KIFAP3: variants seen among roughly 807,000 people sequenced by gnomAD.
KIFAP3 encodes the protein kinesin associated protein 3, also known as kinesin-associated protein 3.
In KIFAP3, 68 loss-of-function variants were observed where a neutral mutation model predicts 106.5. That is an observed-to-expected ratio of 0.64 (90% CI 0.53 to 0.78). The LOEUF is 0.78. Among genes scored for constraint, KIFAP3 ranks in the 30% least tolerant of loss-of-function variants. KIFAP3 has a pLI of 0.00. For synonymous variants in KIFAP3, 320 were observed against 311.5 expected, an observed-to-expected ratio of 1.03 and a Z score of -0.29; for missense variants, 780 against 941.8, an observed-to-expected ratio of 0.83 and a Z score of 2.25.
At chr1:170,054,873 C>T (rs1417498967) in intron 2 of KIFAP3, among the ~76,000 whole-genome samples, 1 of 152,034 alleles carries the variant, frequency 6.6e-6, no homozygotes, top group Non-Finnish European at 1.5e-5. Flanking sequence ...GGGCTTAAAA[C>T]CTAAATGAGG....
chr1:170,034,239 A>G (rs1420521895), intron 7 of KIFAP3, 133 bp downstream of exon 7: 1 of 758,144 alleles, frequency 1.3e-6, no homozygotes, highest in African/African-American at 1.9e-5. Context: ...ACCTTCAATA[A>G]CACACTCCTG....
intron 15 of KIFAP3, 118 bp downstream of exon 15, chr1:169,981,854 G>A: frequency 1.3e-6 from 1 of 756,034 alleles, no homozygotes; most frequent in Non-Finnish European, 2.1e-6. Flanking sequence ...TATATAAGTT[G>A]CTATGAAACA....
chr1:170,018,271 G>C (rs1668623113), intron 9 of KIFAP3, among the ~76,000 whole-genome samples: 1 of 152,106 alleles, frequency 6.6e-6, no homozygotes, highest in African/African-American at 2.4e-5. Context: ...TTGCAAGACA[G>C]ATCATATGGC....
chr1:170,073,501 C>T (rs1244256260), intron 1 of KIFAP3, among the ~76,000 whole-genome samples: 1 of 152,184 alleles, frequency 6.6e-6, no homozygotes, highest in Non-Finnish European at 1.5e-5. Context: ...AATAATACCA[C>T]CACCTTACAT....
Position 169,982,811 on chromosome 1 carries a change from C to T in KIFAP3, c.1563G>A (p.Val521=), listed in dbSNP as rs1350515209. The T allele has an allele frequency of 6.2e-7, 1 of 1,607,462 alleles. No individual in the cohort carries two copies. The highest frequency in any genetic ancestry group is 8.5e-7 in the Non-Finnish European group (1 of 1,175,340). The change falls in exon 14 of 20, where the codon GTG becomes GTA. Residue 521 remains valine, a synonymous_variant. Coordinates refer to ENST00000361580, the MANE Select transcript of KIFAP3 (RefSeq NM_014970.4). ...QISNDEEEEF[V]IECLGTLANL... ...TTGCAAGAGTTCCCAAACATTCAATCACAAACTCCTCTTCTTCATCATTAG... is the reference window on the plus strand; with the variant it reads ...TTGCAAGAGTTCCCAAACATTCAATTACAAACTCCTCTTCTTCATCATTAG...
At chr1:169,944,078 C>T (rs556778155) in intron 19 of KIFAP3, among the ~76,000 whole-genome samples, 4 of 152,288 alleles carry the variant, frequency 2.6e-5, no homozygotes, top group East Asian at 3.9e-4. Context: ...GTATTGTTTG[C>T]GCCCGCTGGG....
At chr1:170,069,472 A>T (rs1232322201) in intron 1 of KIFAP3, among the ~76,000 whole-genome samples, 1 of 152,098 alleles carries the variant, frequency 6.6e-6, no homozygotes, top group East Asian at 1.9e-4. Context: ...ACTAGCAAAC[A>T]GAATACAGGA....
At chr1:170,042,165 C>T (rs747564351) in intron 3 of KIFAP3, among the ~76,000 whole-genome samples, 4 of 152,152 alleles carry the variant, frequency 2.6e-5, no homozygotes, top group Non-Finnish European at 4.4e-5. Flanking sequence ...TTGTCTTGGT[C>T]GATACGGGAA....
chr1:169,973,297 AAAAAT>A (rs1666031968), intron 16 of KIFAP3, among the ~76,000 whole-genome samples: 1 of 149,702 alleles, frequency 6.7e-6, no homozygotes, highest in African/African-American at 2.4e-5. Flanking sequence ...ATTTTAAAAT[AAAAAT>A]AAGTGAAAAG....
intron 1 of KIFAP3, among the ~76,000 whole-genome samples, chr1:170,082,840 G>T (rs1257404991): frequency 6.6e-6 from 1 of 152,062 alleles, no homozygotes; most frequent in Non-Finnish European, 1.5e-5. Context: ...AGGTGTGGTG[G>T]GGCATGCATT....
intron 19 of KIFAP3, among the ~76,000 whole-genome samples, chr1:169,925,075 G>A (rs186857254): frequency 6.6e-6 from 1 of 152,252 alleles, no homozygotes; most frequent in East Asian, 1.9e-4. Context: ...ATCCAATCTT[G>A]TAGGGTGCAT....
At position 170,074,680 on chromosome 1, in the gene KIFAP3, C is replaced by A; in HGVS notation, c.-213G>T. The stretch of plus-strand genomic sequence containing the variant: ...CCCAAAACACTGGAGCGGCCCAGAC[C>A]CGCCCAGAGTCGCCTAAGCCGGGCC... On this transcript the variant is annotated 5_prime_UTR_variant, in exon 1 of 20. Transcript: ENST00000361580. 1.4e-6 allele frequency: 2 copies of A among 1,424,686 alleles called. No homozygotes were observed. The highest frequency in any genetic ancestry group is 1.8e-6 in the Non-Finnish European group (2 of 1,089,494). The allele number at this position is 1,424,686 out of a possible 1,614,324, so 88.3% of individuals were successfully genotyped here.
chr1:170,001,098 C>T (rs946948576), intron 10 of KIFAP3, among the ~76,000 whole-genome samples: 2 of 151,938 alleles, frequency 1.3e-5, no homozygotes, highest in Non-Finnish European at 2.9e-5. Flanking sequence ...GTACATTTTG[C>T]CACACAGCTT....
intron 11 of KIFAP3, among the ~76,000 whole-genome samples, chr1:169,985,136 A>G (rs1394274420): frequency 1.3e-5 from 2 of 151,916 alleles, no homozygotes; most frequent in African/African-American, 4.8e-5. Context: ...CAGATCATGC[A>G]GGGTCTTGAA....
chr1:170,051,880 C>T (rs1293749166), intron 2 of KIFAP3, among the ~76,000 whole-genome samples: 3 of 152,086 alleles, frequency 2.0e-5, no homozygotes, highest in Admixed American at 6.5e-5. Flanking sequence ...TAAATGCCCA[C>T]ATCAGAAAGG....
chr1:169,971,560 T>G (rs755500818), intron 17 of KIFAP3, among the ~76,000 whole-genome samples: 2 of 151,996 alleles, frequency 1.3e-5, no homozygotes, highest in Non-Finnish European at 2.9e-5. Context: ...ACAGATGATA[T>G]CAAATTAAGA....
intron 8 of KIFAP3, among the ~76,000 whole-genome samples, chr1:170,028,146 A>G (rs73039130): frequency 0.011 from 1,733 of 152,222 alleles, 29 homozygotes; most frequent in African/African-American, 0.039. Context: ...CCTACAAGAA[A>G]CGTTAAAGTA....
In KIFAP3 at chr1:170,008,100, C is replaced by A. The variant is rs1324881096; in HGVS notation, c.1183+8362G>T. 2.6e-5 allele frequency among the ~76,000 whole-genome samples: 4 copies of A among 151,656 alleles called. 1 individual carries two copies. Among genetic ancestry groups the A allele is most frequent in the African/African-American group, 9.7e-5 (4 of 41,146 alleles). On this transcript the variant is annotated intron_variant, in intron 10 of 19. Transcript: ENST00000361580. ...ACTACAACTGGACCCCTTCCTTACA[C>A]CTTATACAAATATTAACTCAAGATG... is the stretch of plus-strand genomic sequence containing the variant.
intron 18 of KIFAP3, among the ~76,000 whole-genome samples, chr1:169,954,368 GTC>G (rs1398540694): frequency 6.6e-6 from 1 of 152,062 alleles, no homozygotes. Context: ...AGAGGAATTA[GTC>G]TCTGCCTTCA....
Sources: gnomAD v4.1 joint callset for allele counts (sites outside exome capture counted in the v4.1 genomes callset) on GRCh38, gnomAD v4.1.1 for gene constraint, MANE v1.5 for transcripts, NCBI Gene and HGNC (gene_info 2026-07-23, HGNC 2026-07-21) for gene names.